Variants in KAZN observed in about 807,000 individuals in gnomAD.
KAZN encodes kazrin.
A neutral mutation model predicts 87.4 loss-of-function variants in KAZN; 40 were observed. The observed-to-expected ratio is 0.46, with a 90% CI of 0.36 to 0.60. The LOEUF (loss-of-function observed/expected upper bound fraction) is 0.60, where lower values mean the gene tolerates loss of function less well. Among genes scored for constraint, KAZN ranks in the 20% least tolerant of loss-of-function variants. The probability of loss-of-function intolerance (pLI) is 0.00; values close to 1 mark genes in which losing one functional copy is unlikely to be tolerated. For missense variants in KAZN, 898 were observed against 1,073.9 expected (o/e 0.84, Z 2.29); for synonymous variants, 466 against 458.3 (o/e 1.02, Z -0.22).
chr1:14,307,594 C>G (rs1325122186), intron 2 of KAZN, among the ~76,000 whole-genome samples: 1 of 152,184 alleles, frequency 6.6e-6, no homozygotes, highest in Non-Finnish European at 1.5e-5. Flanking sequence ...TGAACTCTAG[C>G]CTATGTAACC....
At chr1:15,029,954 G>GT (rs974460007) in intron 2 of KAZN, among the ~76,000 whole-genome samples, 3 of 152,108 alleles carry the variant, frequency 2.0e-5, no homozygotes, top group Non-Finnish European at 4.4e-5. Context: ...TGCCCTCCAG[G>GT]AGCCACTCCC....
chr1:14,581,158 A>G (rs1210675577), intron 2 of KAZN, among the ~76,000 whole-genome samples: 2 of 152,084 alleles, frequency 1.3e-5, no homozygotes, highest in East Asian at 1.9e-4. Context: ...TGTGTATCCA[A>G]CTGTCCACCT....
intron 1 of KAZN, among the ~76,000 whole-genome samples, chr1:14,012,898 T>G (rs4662071): frequency 0.94 from 142,467 of 152,252 alleles, 66,896 homozygotes; most frequent in Non-Finnish European, 0.96. Context: ...TTATTTCATT[T>G]TATTTCTCCT....
chr1:14,349,594 T>C (rs1306442886), intron 2 of KAZN, among the ~76,000 whole-genome samples: 1 of 152,188 alleles, frequency 6.6e-6, no homozygotes, highest in Non-Finnish European at 1.5e-5. Context: ...TTTATCATCT[T>C]GCACTGAGCC....
At chr1:15,039,231 C>T (rs1672661593) in intron 3 of KAZN, among the ~76,000 whole-genome samples, 1 of 152,030 alleles carries the variant, frequency 6.6e-6, no homozygotes, top group African/African-American at 2.4e-5. Flanking sequence ...CCCCATTCCC[C>T]CCATTTAACA....
chr1:14,714,786 C>CTTTTTTTTTTTTTTT (rs1307881138), intron 1 of KAZN, among the ~76,000 whole-genome samples: 1 of 131,200 alleles, frequency 7.6e-6, no homozygotes, highest in Admixed American at 7.6e-5. Flanking sequence ...TTTTCTTTTT[C>CTTTTTTTTTTTTTTT]TTTTTTTTTT....
At chr1:14,409,499 C>G (rs183769808) in intron 2 of KAZN, among the ~76,000 whole-genome samples, 3 of 152,274 alleles carry the variant, frequency 2.0e-5, no homozygotes, top group African/African-American at 7.2e-5. Flanking sequence ...AGAACTTGAT[C>G]TCACATAAGC....
chr1:14,515,924 G>A (rs921882610), intron 2 of KAZN, among the ~76,000 whole-genome samples: 5 of 152,050 alleles, frequency 3.3e-5, no homozygotes, highest in Admixed American at 6.6e-5. Flanking sequence ...ATGGTCTCAC[G>A]TAAGCTCCAT....
chr1:14,328,649 G>T (rs528989636), intron 2 of KAZN, among the ~76,000 whole-genome samples: 4 of 150,374 alleles, frequency 2.7e-5, no homozygotes, highest in African/African-American at 9.8e-5. Context: ...CTTGTAGTGA[G>T]CCGAGATTGC....
rs1349137022 is a variant in KAZN, at chr1:14,160,684, C to A, written c.92-19751C>A. On this transcript the variant is annotated intron_variant, in intron 1 of 16. Coordinates refer to the KAZN transcript ENST00000636203. ...TCTTCTATTGCACCATCTTGTTCTG[C>A]CCCCTGCCTTGCAGTTCTTGCTGAG... Among the ~76,000 whole-genome samples the A allele has an allele frequency of 2.0e-5, 3 of 152,258 alleles. No homozygotes were observed. In the East Asian group the frequency reaches 5.8e-4, roughly 29 times the overall value.
intron 1 of KAZN, among the ~76,000 whole-genome samples, chr1:14,922,097 T>C (rs1338391486): frequency 2.0e-5 from 3 of 152,262 alleles, no homozygotes; most frequent in Non-Finnish European, 4.4e-5. Context: ...CAGAAATACG[T>C]GAAAGACTAT....
chr1:13,960,214 G>A (rs751147784), intron 1 of KAZN, among the ~76,000 whole-genome samples: 1 of 152,102 alleles, frequency 6.6e-6, no homozygotes, highest in African/African-American at 2.4e-5. Flanking sequence ...TAAAAGTTCT[G>A]TGTGCATTAC....
intron 1 of KAZN, among the ~76,000 whole-genome samples, chr1:14,161,484 T>TCA (rs1645708816): frequency 6.6e-6 from 1 of 152,250 alleles, no homozygotes; most frequent in Non-Finnish European, 1.5e-5. Context: ...GTGGACCTTT[T>TCA]TACAAAGTTG....
chr1:14,297,855 T>C (rs1415312952), intron 2 of KAZN, among the ~76,000 whole-genome samples: 1 of 152,164 alleles, frequency 6.6e-6, no homozygotes, highest in East Asian at 1.9e-4. Flanking sequence ...CCTCCCTGGG[T>C]TGGGACATCA....
intron 1 of KAZN, among the ~76,000 whole-genome samples, chr1:14,112,938 A>G (rs1644531616): frequency 6.6e-6 from 1 of 152,226 alleles, no homozygotes; most frequent in Non-Finnish European, 1.5e-5. Context: ...TGTGCGGAAG[A>G]AAGGCAGTCT....
chr1:14,409,043 T>G (rs769571527), intron 2 of KAZN, among the ~76,000 whole-genome samples: 2 of 152,164 alleles, frequency 1.3e-5, no homozygotes, highest in Non-Finnish European at 2.9e-5. Context: ...ATGCAGAGCC[T>G]TTATTCAAGA....
chr1:14,812,992 C>T (rs1646458701), intron 1 of KAZN, among the ~76,000 whole-genome samples: 1 of 152,186 alleles, frequency 6.6e-6, no homozygotes, highest in Non-Finnish European at 1.5e-5. Context: ...ACCCAACCAA[C>T]CATTTGCATT....
intron 4 of KAZN, among the ~76,000 whole-genome samples, chr1:15,050,208 T>TAGAA (rs1674233723): frequency 2.0e-5 from 3 of 150,412 alleles, no homozygotes; most frequent in Admixed American, 6.6e-5. Context: ...TAGAATAGAA[T>TAGAA]AGAATAGAAT....
intron 2 of KAZN, among the ~76,000 whole-genome samples, chr1:14,497,737 G>A (rs909189785): frequency 6.6e-6 from 1 of 152,046 alleles, no homozygotes; most frequent in Non-Finnish European, 1.5e-5. Context: ...GTTAGGGCTT[G>A]GCTTCCAATA....
Sources: allele counts gnomAD v4.1 joint callset (sites outside exome capture counted in the v4.1 genomes callset), GRCh38; gene constraint gnomAD v4.1.1; transcripts MANE v1.5; gene names NCBI Gene and HGNC (gene_info 2026-07-23, HGNC 2026-07-21).